The following TEX11 variants were observed in gnomAD, a reference collection of about 807,000 sequenced individuals.
TEX11 encodes the protein testis expressed 11.
A neutral mutation model predicts 84.4 loss-of-function variants in TEX11; 7 were observed. The ratio of observed to expected loss-of-function variants is 0.08; its 90% CI spans 0.05 to 0.16. The LOEUF is 0.16. TEX11 is among the 10% of genes least tolerant of loss of function. The probability of loss-of-function intolerance (pLI) is 1.00; values close to 1 mark genes in which losing one functional copy is unlikely to be tolerated. For synonymous variants in TEX11, 264 were observed against 222.8 expected (o/e 1.18, Z -1.64); for missense variants, 551 against 660.5 (o/e 0.83, Z 1.82).
chrX:70,734,652 T>G (rs1206360202), intron 11 of TEX11, among the ~76,000 whole-genome samples: 1 of 112,411 alleles, frequency 8.9e-6, no homozygotes, highest in Non-Finnish European at 1.9e-5. Flanking sequence ...ATTGCTATTA[T>G]GAACAATCCT....
At chrX:70,674,544 C>T (rs767534649) in intron 15 of TEX11, among the ~76,000 whole-genome samples, 11 of 112,193 alleles carry the variant, frequency 9.8e-5, no homozygotes, top group African/African-American at 3.6e-4. Context: ...TTTTTCTCTA[C>T]AACCTTGCCA....
chrX:70,589,279 A>G (rs1170847327), intron 25 of TEX11, among the ~76,000 whole-genome samples: 1 of 33,294 alleles, frequency 3.0e-5, no homozygotes, highest in Non-Finnish European at 6.0e-5. Context: ...TAATGTATAG[A>G]CAGTTAAAAA....
chrX:70,738,813 G>A (rs915644264), intron 11 of TEX11, among the ~76,000 whole-genome samples: 1 of 111,402 alleles, frequency 9.0e-6, no homozygotes, highest in Non-Finnish European at 1.9e-5. Context: ...CATGGATGAA[G>A]CTGGAAACCA....
chrX:70,600,535 A>G (rs2089086033), intron 24 of TEX11, among the ~76,000 whole-genome samples: 1 of 109,787 alleles, frequency 9.1e-6, no homozygotes, highest in Non-Finnish European at 1.9e-5. Context: ...CATCTACAGA[A>G]CTCTCCACCC....
intron 20 of TEX11, among the ~76,000 whole-genome samples, chrX:70,620,334 C>A (rs751429882): frequency 1.6e-4 from 18 of 111,425 alleles, no homozygotes; most frequent in Non-Finnish European, 2.6e-4. Flanking sequence ...TATACGATGA[C>A]AAATACACAC....
chrX:70,770,900 G>GA lies in TEX11; in HGVS notation c.693-26682dup, dbSNP rs201338529. Among the ~76,000 whole-genome samples the GA allele has an allele frequency of 5.4e-3, 596 of 109,994 alleles. 4 individuals are homozygous for GA. The highest frequency in any genetic ancestry group is 0.019 in the African/African-American group (581 of 30,349). ...TCCAAACTCAGAGATATTCCGTCAA[G>GA]AAAAAAAACTATTCCTGACCAATAG... On this transcript the variant is annotated intron_variant, in intron 9 of 29. Transcript: ENST00000374333.
intron 16 of TEX11, among the ~76,000 whole-genome samples, chrX:70,660,513 T>C (rs1474227962): frequency 9.0e-6 from 1 of 111,601 alleles, no homozygotes; most frequent in Non-Finnish European, 1.9e-5. Context: ...TGTTAAAAAC[T>C]AAGACATGAG....
intron 8 of TEX11, among the ~76,000 whole-genome samples, chrX:70,808,026 C>T (rs1448740645): frequency 1.1e-5 from 1 of 95,179 alleles, no homozygotes; most frequent in Admixed American, 1.3e-4. Context: ...ATCTCTTGAA[C>T]CCAGGAGGCG....
intron 13 of TEX11, among the ~76,000 whole-genome samples, chrX:70,720,429 T>G (rs1348956290): frequency 9.1e-6 from 1 of 109,975 alleles, no homozygotes; most frequent in African/African-American, 3.3e-5. Context: ...AATGAGGAGT[T>G]AATGGGTGCA....
At chrX:70,831,560 T>C (rs2091376772) in intron 8 of TEX11, among the ~76,000 whole-genome samples, 1 of 111,050 alleles carries the variant, frequency 9.0e-6, no homozygotes, top group African/African-American at 3.3e-5. Context: ...GCCGAGGAGG[T>C]TGAGGCTGCA....
rs2090364790 is a variant in TEX11, at chrX:70,705,463, T to A, written c.1004+17155A>T. On this transcript the variant is annotated intron_variant, in intron 13 of 29. Coordinates refer to ENST00000374333, the MANE Select transcript of TEX11 (RefSeq NM_031276.3). ...CAAAAGCCAAAAGTGACAAATGGGA[T>A]CTAATTAAACTAAAGAGCTTCTGCA... Among the ~76,000 whole-genome samples the A allele has an allele frequency of 3.6e-5, 4 of 111,408 alleles. No homozygotes were observed. The Admixed American group carries it at 3.8e-4, about 11-fold the overall frequency.
At chrX:70,830,939 C>T (rs1442230852) in intron 8 of TEX11, among the ~76,000 whole-genome samples, 1 of 111,707 alleles carries the variant, frequency 9.0e-6, no homozygotes, top group African/African-American at 3.3e-5. Context: ...ACCATATGAT[C>T]CAGCAATCTC....
intron 2 of TEX11, among the ~76,000 whole-genome samples, chrX:70,887,972 A>G (rs1246613347): frequency 8.8e-6 from 1 of 113,322 alleles, no homozygotes; most frequent in Non-Finnish European, 1.9e-5. Flanking sequence ...AAGGCCACCA[A>G]GGTGGTATCT....
At chrX:70,669,527 G>C (rs2090004602) in intron 16 of TEX11, among the ~76,000 whole-genome samples, 1 of 112,506 alleles carries the variant, frequency 8.9e-6, no homozygotes, top group Admixed American at 9.4e-5. Context: ...AACATTTCAA[G>C]TTCTCTTCCA....
intron 25 of TEX11, among the ~76,000 whole-genome samples, chrX:70,577,759 C>CTTTTTTTTTTTTTTTTTTG (rs1213364344): frequency 2.1e-5 from 2 of 96,633 alleles, no homozygotes; most frequent in Admixed American, 1.1e-4. Context: ...GAGACAGTCT[C>CTTTTTTTTTTTTTTTTTTG]ACTCTGTCAC....
At chrX:70,580,157 A>G (rs1047498369) in intron 25 of TEX11, among the ~76,000 whole-genome samples, 3 of 112,396 alleles carry the variant, frequency 2.7e-5, no homozygotes, top group Admixed American at 1.9e-4. Flanking sequence ...TTGCAACAAT[A>G]TGAATGGGAC....
At chrX:70,697,248 T>A (rs2090288048) in intron 13 of TEX11, among the ~76,000 whole-genome samples, 1 of 112,085 alleles carries the variant, frequency 8.9e-6, no homozygotes, top group South Asian at 3.7e-4. Flanking sequence ...TGACTTTAAT[T>A]ACATATTCAG....
intron 2 of TEX11, among the ~76,000 whole-genome samples, chrX:70,890,861 C>T (rs1270396987): frequency 8.9e-6 from 1 of 112,331 alleles, no homozygotes; most frequent in African/African-American, 3.2e-5. Flanking sequence ...GTGGTTCTCC[C>T]AGCACAGTGT....
intron 17 of TEX11, among the ~76,000 whole-genome samples, chrX:70,633,920 A>G (rs1446766434): frequency 9.0e-6 from 1 of 111,542 alleles, no homozygotes; most frequent in Non-Finnish European, 1.9e-5. Context: ...TCGAAACAGA[A>G]CAGGTCTCAT....
Sources: gnomAD v4.1 joint callset for allele counts (sites outside exome capture counted in the v4.1 genomes callset) on GRCh38, gnomAD v4.1.1 for gene constraint, MANE v1.5 for transcripts, NCBI Gene and HGNC (gene_info 2026-07-23, HGNC 2026-07-21) for gene names.